Variants in MED12L observed in about 807,000 individuals in gnomAD.
MED12L encodes the protein mediator complex subunit 12L, also known as mediator of RNA polymerase II transcription subunit 12-like protein.
In MED12L, 60 loss-of-function variants were observed where a neutral mutation model predicts 281.3. The observed-to-expected ratio is 0.21, with a 90% confidence interval of 0.17 to 0.26. The LOEUF (loss-of-function observed/expected upper bound fraction) is 0.26, where lower values mean the gene tolerates loss of function less well. Among genes scored for constraint, MED12L ranks in the 10% least tolerant of loss-of-function variants. MED12L has a pLI of 1.00. For missense variants in MED12L, 2,146 were observed against 2,680.9 expected (o/e 0.80, Z 4.41); for synonymous variants, 974 against 987.2 (o/e 0.99, Z 0.25).
chr3:151,263,950 A>G (rs1446444478), intron 16 of MED12L, among the ~76,000 whole-genome samples: 1 of 152,228 alleles, frequency 6.6e-6, no homozygotes, highest in African/African-American at 2.4e-5. Context: ...AAGGCAGATA[A>G]CGATGGACAG....
At chr3:151,213,725 C>G in intron 16 of MED12L, 12 of 1,614,204 alleles carry the variant, frequency 7.4e-6, no homozygotes, top group Non-Finnish European at 1.0e-5. Flanking sequence ...AAAAGAAACA[C>G]AATCCAGAAG....
intron 27 of MED12L, 129 bp from the exon 28 acceptor site, chr3:151,375,897 A>G (rs1756794395): frequency 3.9e-6 from 2 of 518,376 alleles, no homozygotes; most frequent in Admixed American, 4.3e-5. Flanking sequence ...CTACTTTTTA[A>G]TGTAATTTTT....
intron 16 of MED12L, among the ~76,000 whole-genome samples, chr3:151,254,537 A>G (rs1425671393): frequency 2.0e-5 from 3 of 152,176 alleles, no homozygotes; most frequent in Non-Finnish European, 4.4e-5. Context: ...GTTAGCTGTT[A>G]TTATTTCAAT....
chr3:151,355,883 T>C lies in MED12L; in HGVS notation c.2518-13T>C. 6.3e-7 allele frequency: 1 copy of C among 1,596,874 alleles called. No homozygotes were observed. The highest frequency in any genetic ancestry group is 8.5e-7 in the Non-Finnish European group (1 of 1,174,682). The stretch of plus-strand genomic sequence containing the variant: ...ATATTGGTCTTACAATATTTTTGTT[T>C]TTATTTGCACAGATTTCTAACAATG... On this transcript the variant is annotated splice_polypyrimidine_tract_variant and intron_variant, in intron 18 of 44. Transcript: ENST00000687756.
chr3:151,249,470 G>T (rs1341058977), intron 16 of MED12L, among the ~76,000 whole-genome samples: 1 of 152,100 alleles, frequency 6.6e-6, no homozygotes, highest in African/African-American at 2.4e-5. Flanking sequence ...GTGTTAACTT[G>T]GGGGTCTTGA....
intron 16 of MED12L, chr3:151,338,167 C>T (rs1751282754): frequency 1.2e-6 from 2 of 1,613,914 alleles, no homozygotes; most frequent in African/African-American, 1.3e-5. Context: ...GGGACTTTAC[C>T]TACACCCCTC....
At chr3:151,347,802 A>AC (rs1752712833) in intron 16 of MED12L, among the ~76,000 whole-genome samples, 1 of 152,196 alleles carries the variant, frequency 6.6e-6, no homozygotes, top group Non-Finnish European at 1.5e-5. Flanking sequence ...CAAAAACCTT[A>AC]CAAGGAAGCG....
At chr3:151,211,805 G>A (rs891503919) in intron 16 of MED12L, among the ~76,000 whole-genome samples, 7 of 151,996 alleles carry the variant, frequency 4.6e-5, no homozygotes, top group African/African-American at 1.5e-4. Context: ...ATGCCACGAC[G>A]CCTGGCTAAT....
At chr3:151,252,187 ATCTT>A (rs937759922) in intron 16 of MED12L, among the ~76,000 whole-genome samples, 1 of 152,090 alleles carries the variant, frequency 6.6e-6, no homozygotes, top group Non-Finnish European at 1.5e-5. Context: ...CCATTCATTC[ATCTT>A]TCTATCCATC....
At position 151,309,119 on chromosome 3, in the gene MED12L, GCACACA is replaced by G. The variant is rs1177424724; in HGVS notation, c.2251-40924_2251-40919del. On this transcript the variant is annotated intron_variant, in intron 16 of 44. Transcript: ENST00000687756. ...ATATAACTCATTTCATGAAATACAC[GCACACA>G]CACACACACACACACGCACACACAC... 1.6e-3 allele frequency among the ~76,000 whole-genome samples: 226 copies of G among 144,328 alleles called. 2 individuals are homozygous for G. Among genetic ancestry groups the G allele is most frequent in the Non-Finnish European group, 1.3e-3 (87 of 65,378 alleles). The allele number at this position is 144,328 out of a possible 152,430, so 94.7% of individuals were successfully genotyped here.
chr3:151,432,782 A>G lies in MED12L; in HGVS notation c.6521A>G (p.Tyr2174Cys), dbSNP rs1211313360. ...SNQPQQGVTPYGHPSHF is the reference protein window; with the variant it reads ...SNQPQQGVTPCGHPSHF ...CAGCCACAGCAAGGAGTGACTCCGT[A>G]TGGGCATCCTTCACACTTCTGAATC... is the stretch of plus-strand genomic sequence containing the variant. Residue 2174 changes from tyrosine (Y) to cysteine (C), a missense_variant, in exon 45 of 45, where the codon TAT (tyrosine) becomes TGT (cysteine). By Grantham distance (194) the Tyr-to-Cys change is radical. This residue lies in a region of MED12L where 25 missense variants were observed against 24.9 expected (regional missense o/e 1.00). Coordinates refer to ENST00000687756, the MANE Select transcript of MED12L (RefSeq NM_001393769.1). The G allele has an allele frequency of 1.2e-6, 2 of 1,613,428 alleles. No homozygotes were observed. Among genetic ancestry groups the G allele is most frequent in the Non-Finnish European group, 1.7e-6 (2 of 1,179,628 alleles).
At chr3:151,234,313 C>T (rs1559913760) in intron 16 of MED12L, among the ~76,000 whole-genome samples, 1 of 152,162 alleles carries the variant, frequency 6.6e-6, no homozygotes, top group Non-Finnish European at 1.5e-5. Context: ...TAGGAGTAAT[C>T]CTGTTTTATA....
chr3:151,254,328 A>G (rs1737411202), intron 16 of MED12L, among the ~76,000 whole-genome samples: 1 of 152,212 alleles, frequency 6.6e-6, no homozygotes, highest in Non-Finnish European at 1.5e-5. Flanking sequence ...TCACGTAACT[A>G]GAGCTATATG....
intron 11 of MED12L, among the ~76,000 whole-genome samples, chr3:151,166,790 C>G (rs1720785674): frequency 6.6e-6 from 1 of 152,002 alleles, no homozygotes; most frequent in African/African-American, 2.4e-5. Context: ...ATTTTCCTGC[C>G]TCAGCCTCCC....
chr3:151,338,096 A>G, intron 16 of MED12L: 1 of 1,614,034 alleles, frequency 6.2e-7, no homozygotes, highest in Non-Finnish European at 8.5e-7. Flanking sequence ...AATGGAAAGG[A>G]ACAAAACAAA....
At chr3:151,243,132 A>G (rs894722320) in intron 16 of MED12L, among the ~76,000 whole-genome samples, 7 of 152,170 alleles carry the variant, frequency 4.6e-5, no homozygotes, top group East Asian at 1.9e-4. Context: ...GACCAAATCT[A>G]TGTCTGCTTG....
chr3:151,291,864 T>TA (rs1390425095), intron 16 of MED12L, among the ~76,000 whole-genome samples: 1 of 152,170 alleles, frequency 6.6e-6, no homozygotes, highest in Admixed American at 6.5e-5. Context: ...ATATGACTTT[T>TA]AAAAAAATAG....
chr3:151,254,885 T>A (rs138688043), intron 16 of MED12L, among the ~76,000 whole-genome samples: 153 of 152,334 alleles, frequency 1.0e-3, no homozygotes, highest in African/African-American at 3.3e-3. Context: ...TATACACACT[T>A]CCAAAACTGT....
intron 39 of MED12L, among the ~76,000 whole-genome samples, chr3:151,395,800 A>G (rs1309894448): frequency 2.6e-5 from 4 of 152,242 alleles, no homozygotes; most frequent in Non-Finnish European, 4.4e-5. Context: ...AAGAATAACC[A>G]TAATACTTTC....
Sources: gnomAD v4.1 joint callset for allele counts (sites outside exome capture counted in the v4.1 genomes callset) on GRCh38, gnomAD v4.1.1 for gene constraint, gnomAD v4.1.1 regional missense constraint, MANE v1.5 for transcripts, NCBI Gene and HGNC (gene_info 2026-07-23, HGNC 2026-07-21) for gene names.